The following FHIP1A variants were observed in gnomAD, a reference collection of about 807,000 sequenced individuals.
FHIP1A encodes FHF complex subunit HOOK interacting protein 1A, also known as FHF complex subunit HOOK-interacting protein 1A.
A neutral mutation model predicts 88.6 loss-of-function variants in FHIP1A; 61 were observed. The ratio of observed to expected loss-of-function variants is 0.69; its 90% CI spans 0.56 to 0.85. FHIP1A has a LOEUF of 0.85. Among genes scored for constraint, FHIP1A ranks in the 40% least tolerant of loss-of-function variants. The pLI is 0.00. For synonymous variants in FHIP1A, 478 were observed against 496.0 expected, an observed-to-expected ratio of 0.96 and a Z score of 0.48; for missense variants, 1,154 against 1,273.5, an observed-to-expected ratio of 0.91 and a Z score of 1.43.
rs1734871969 is a variant in FHIP1A, at chr4:151,601,653, A to G, written c.978+12727A>G. Among the ~76,000 whole-genome samples the G allele has an allele frequency of 2.0e-5, 3 of 150,446 alleles. No homozygotes were observed. The South Asian group carries it at 6.5e-4, about 32-fold the overall frequency. On this transcript the variant is annotated intron_variant, in intron 7 of 13. Transcript: ENST00000435205. ...AAGCATAGGTAGCCATCACCAAATC[A>G]GGCTTATTATTACATGAATTTATAC...
At chr4:151,552,835 AAAAG>A (rs1300330767) in intron 3 of FHIP1A, among the ~76,000 whole-genome samples, 1 of 151,812 alleles carries the variant, frequency 6.6e-6, no homozygotes, top group African/African-American at 2.4e-5. Context: ...TAAAAAAAAA[AAAAG>A]AAAAAACAAA....
intron 3 of FHIP1A, among the ~76,000 whole-genome samples, chr4:151,529,786 AG>A (rs1731805849): frequency 6.6e-6 from 1 of 152,210 alleles, no homozygotes; most frequent in Non-Finnish European, 1.5e-5. Context: ...GAGCCAAAAG[AG>A]GTTAAGTACT....
At chr4:151,494,955 T>A (rs537718259) in intron 3 of FHIP1A, among the ~76,000 whole-genome samples, 1 of 152,334 alleles carries the variant, frequency 6.6e-6, no homozygotes, top group Admixed American at 6.5e-5. Context: ...TGAATGGCAT[T>A]GTATTCTTGC....
intron 3 of FHIP1A, among the ~76,000 whole-genome samples, chr4:151,560,942 C>A (rs1340210458): frequency 6.6e-6 from 1 of 151,952 alleles, no homozygotes; most frequent in Non-Finnish European, 1.5e-5. Flanking sequence ...AAAATTAAGT[C>A]CAAAAACAAA....
chr4:151,507,787 T>A (rs1437630472), intron 3 of FHIP1A, among the ~76,000 whole-genome samples: 1 of 152,172 alleles, frequency 6.6e-6, no homozygotes, highest in Non-Finnish European at 1.5e-5. Flanking sequence ...TTCTGTCCTC[T>A]GAGAGAGAGA....
chr4:151,556,022 G>A lies in FHIP1A; in HGVS notation c.-122-10116G>A, dbSNP rs771426337. ...AAAGGTTGTGGCAGCTTTTTGGAGA[G>A]AATAATTTTATTCTCTCAGTAAACA... On this transcript the variant is annotated intron_variant, in intron 3 of 13. Coordinates refer to ENST00000435205, the MANE Select transcript of FHIP1A (RefSeq NM_001109977.3). 3.3e-5 allele frequency among the ~76,000 whole-genome samples: 5 copies of A among 152,030 alleles called. No homozygotes were observed. The East Asian group carries it at 9.6e-4, about 29-fold the overall frequency.
intron 2 of FHIP1A, among the ~76,000 whole-genome samples, chr4:151,459,919 A>T (rs937010665): frequency 6.6e-6 from 1 of 152,164 alleles, no homozygotes; most frequent in African/African-American, 2.4e-5. Context: ...AGCTTTTTGT[A>T]TATATATTTT....
chr4:151,617,016 G>A (rs1372683930), intron 7 of FHIP1A, among the ~76,000 whole-genome samples: 2 of 152,178 alleles, frequency 1.3e-5, no homozygotes, highest in East Asian at 3.8e-4. Flanking sequence ...CCAAAGTGCT[G>A]TGATTACAGG....
intron 4 of FHIP1A, among the ~76,000 whole-genome samples, chr4:151,570,036 G>A (rs1733539322): frequency 6.6e-6 from 1 of 152,198 alleles, no homozygotes; most frequent in Non-Finnish European, 1.5e-5. Context: ...TAAGTTGCCA[G>A]AGCAATGAAT....
intron 3 of FHIP1A, among the ~76,000 whole-genome samples, chr4:151,488,430 G>T (rs1192187984): frequency 6.6e-6 from 1 of 152,126 alleles, no homozygotes; most frequent in South Asian, 2.1e-4. Context: ...TTAGGATAAT[G>T]ACCTCCAGCT....
intron 1 of FHIP1A, among the ~76,000 whole-genome samples, chr4:151,428,847 C>A (rs1187511147): frequency 6.6e-6 from 1 of 152,180 alleles, no homozygotes; most frequent in Admixed American, 6.5e-5. Flanking sequence ...CCTCCCACAT[C>A]ATCTTTATAC....
chr4:151,460,278 A>G (rs1334813116), intron 2 of FHIP1A, among the ~76,000 whole-genome samples: 1 of 152,168 alleles, frequency 6.6e-6, no homozygotes, highest in Non-Finnish European at 1.5e-5. Context: ...ATTTTAGCAA[A>G]TAAGTGATCA....
intron 1 of FHIP1A, among the ~76,000 whole-genome samples, chr4:151,440,874 C>T (rs1728383752): frequency 6.6e-6 from 1 of 152,150 alleles, no homozygotes; most frequent in African/African-American, 2.4e-5. Context: ...GCATCCAGTT[C>T]CATCTCACAC....
rs116061639 is a variant in FHIP1A, at chr4:151,566,645, C to T, written c.105+281C>T. 5.3e-3 allele frequency among the ~76,000 whole-genome samples: 804 copies of T among 152,206 alleles called. 6 individuals are homozygous for T. The highest frequency in any genetic ancestry group is 0.019 in the African/African-American group (782 of 41,520). ...TTGTTCTTTAAAGTGACTTTTATAT[C>T]GCTTTGCAATATACTTGACCATAAT... On this transcript the variant is annotated intron_variant, in intron 4 of 13. Transcript: ENST00000435205.
intron 2 of FHIP1A, among the ~76,000 whole-genome samples, chr4:151,479,142 T>A (rs1729810868): frequency 6.6e-6 from 1 of 152,088 alleles, no homozygotes; most frequent in Admixed American, 6.6e-5. Context: ...AGAGGAGGAA[T>A]AAAATCAACT....
rs953784839 is a variant in FHIP1A, at chr4:151,583,275, C to G, written c.733-3366C>G. 2.5e-4 allele frequency among the ~76,000 whole-genome samples: 38 copies of G among 152,188 alleles called. 1 individual carries two copies. The highest frequency in any genetic ancestry group is 2.9e-5 in the Non-Finnish European group (2 of 68,024). On this transcript the variant is annotated intron_variant, in intron 5 of 13. Coordinates refer to ENST00000435205, the MANE Select transcript of FHIP1A (RefSeq NM_001109977.3). ...CCGCAGAATATTTTCTCCCCTGTTTCTTTGCCATTCTGAAGGAGATAGCAG... is the reference window on the plus strand; with the variant it reads ...CCGCAGAATATTTTCTCCCCTGTTTGTTTGCCATTCTGAAGGAGATAGCAG...
chr4:151,580,304 G>T (rs910378524), intron 5 of FHIP1A, among the ~76,000 whole-genome samples: 2 of 152,050 alleles, frequency 1.3e-5, no homozygotes, highest in African/African-American at 2.4e-5. Context: ...CCTGCAAATT[G>T]GACTTAGATC....
chr4:151,485,257 TC>T (rs1324664868), intron 3 of FHIP1A, among the ~76,000 whole-genome samples: 13 of 151,490 alleles, frequency 8.6e-5, no homozygotes, highest in African/African-American at 2.9e-4. Context: ...ATAATTTCTT[TC>T]GAGCATAGTT....
chr4:151,591,392 T>A (rs1734422189), intron 7 of FHIP1A, among the ~76,000 whole-genome samples: 2 of 152,184 alleles, frequency 1.3e-5, no homozygotes, highest in Non-Finnish European at 2.9e-5. Flanking sequence ...TGTCTGTGTT[T>A]CCTATACTCC....
Sources: allele counts gnomAD v4.1 joint callset (sites outside exome capture counted in the v4.1 genomes callset), GRCh38; gene constraint gnomAD v4.1.1; transcripts MANE v1.5; gene names NCBI Gene and HGNC (gene_info 2026-07-23, HGNC 2026-07-21).